Variants in SLC2A11 observed in about 807,000 individuals in gnomAD.
The protein encoded by SLC2A11 is solute carrier family 2, facilitated glucose transporter member 11.
In SLC2A11, 43 loss-of-function variants were observed where a neutral mutation model predicts 52.1. The observed-to-expected ratio is 0.82, with a 90% CI of 0.65 to 1.06. The LOEUF is 1.06. SLC2A11 is among the 50% of genes least tolerant of loss of function. SLC2A11 has a pLI of 0.00. For missense variants in SLC2A11, 582 were observed against 654.2 expected (o/e 0.89, Z 1.20); for synonymous variants, 261 against 277.6 (o/e 0.94, Z 0.59).
intron 1 of SLC2A11, among the ~76,000 whole-genome samples, chr22:23,861,788 A>C (rs987635441): frequency 8.5e-5 from 13 of 152,224 alleles, no homozygotes; most frequent in African/African-American, 3.1e-4. Flanking sequence ...GTCTTCCCCA[A>C]ACACAGCAGA....
intron 2 of SLC2A11, among the ~76,000 whole-genome samples, chr22:23,862,748 C>T (rs923849325): frequency 4.6e-5 from 7 of 152,128 alleles, no homozygotes; most frequent in African/African-American, 7.2e-5. Flanking sequence ...CTCAGCCTCC[C>T]GAGTAGCTGG....
chr22:23,868,161 G>A (rs1342075479), intron 2 of SLC2A11: 2 of 394,788 alleles, frequency 5.1e-6, no homozygotes, highest in East Asian at 4.6e-5. Flanking sequence ...ATTGCTTGAT[G>A]TGGGAAAATA....
At chr22:23,866,338 C>G (rs1460638712) in intron 2 of SLC2A11, 1 of 158,888 alleles carries the variant, frequency 6.3e-6, no homozygotes, top group African/African-American at 2.4e-5. Flanking sequence ...GGGCACTAGG[C>G]TGACAGTCAT....
chr22:23,856,970 G>C, upstream of SLC2A11: 1 of 1,611,202 alleles, frequency 6.2e-7, no homozygotes. Flanking sequence ...AGGACGCACA[G>C]ATGAGAGCGC....
chr22:23,873,332 C>CTGTGTGT (rs1568990971), intron 3 of SLC2A11: 2 of 143,820 alleles, frequency 1.4e-5, no homozygotes, highest in African/African-American at 5.8e-5. Context: ...TGTGTGTGCA[C>CTGTGTGT]GCGTGTGTGT....
intron 1 of SLC2A11, among the ~76,000 whole-genome samples, chr22:23,861,062 G>T (rs1465111475): frequency 2.0e-5 from 3 of 151,690 alleles, no homozygotes; most frequent in African/African-American, 7.2e-5. Flanking sequence ...AGCCAGGATG[G>T]TCTCAATCTC....
In SLC2A11 at chr22:23,877,068, T is replaced by C; in HGVS notation, c.442T>C (p.Tyr148His). ...TGTGAGCATGAACATCCAGCCCATGTACCTGGGGGAGAGCGCCCCTAAGGA... is the reference window on the plus strand; with the variant it reads ...TGTGAGCATGAACATCCAGCCCATGCACCTGGGGGAGAGCGCCCCTAAGGA... ...AGVSMNIQPMYLGESAPKELR... is the reference protein window; with the variant it reads ...AGVSMNIQPMHLGESAPKELR... Residue 148 changes from tyrosine to histidine, a missense_variant, in exon 5 of 12, where the codon TAC (tyrosine) becomes CAC (histidine). By Grantham distance (83) the Tyr-to-His change is moderately conservative. Transcript: ENST00000316185. 6.2e-7 allele frequency: 1 copy of C among 1,613,966 alleles called. No individual in the cohort carries two copies.
intron 4 of SLC2A11, 80 bp from the exon 5 acceptor site, chr22:23,876,962 G>T: frequency 6.2e-7 from 1 of 1,606,156 alleles, no homozygotes; most frequent in Non-Finnish European, 8.5e-7. Context: ...GTGCTGAGTG[G>T]GGCAGGGGAG....
rs146128345 is a variant in SLC2A11, at chr22:23,868,516, G to A, written c.165G>A (p.Ala55=). 126 of 1,614,096 alleles carry A rather than the reference G, an allele frequency of 7.8e-5. No individual in the cohort carries two copies. Among genetic ancestry groups the A allele is most frequent in the Admixed American group, 3.7e-4 (22 of 60,000 alleles). The change falls in exon 3 of 12, where the codon GCG becomes GCA. Residue 55 remains alanine (A), a synonymous_variant. Transcript: ENST00000316185. The part of the protein sequence containing the change: ...IQEFTNETWQ[A]RTGEPLPDHL... The stretch of plus-strand genomic sequence containing the variant: ...AATTCACCAATGAGACATGGCAGGC[G>A]CGTACTGGAGAGCCACTGCCCGATC...
chr22:23,884,204 C>T lies in SLC2A11; in HGVS notation c.1172-98C>T. The T allele has an allele frequency of 6.6e-7, 1 of 1,507,416 alleles. No individual in the cohort carries two copies. The highest frequency in any genetic ancestry group is 8.9e-7 in the Non-Finnish European group (1 of 1,128,176). The allele number at this position is 1,507,416 out of a possible 1,614,324, so 93.4% of individuals were successfully genotyped here. On this transcript the variant is annotated intron_variant, in intron 10 of 11. Coordinates refer to ENST00000316185, the MANE Select transcript of SLC2A11 (RefSeq NM_001024939.4). The surrounding 1 kb of genome is among the most constrained non-coding windows in gnomAD (Gnocchi z 4.3). ...AGCACTGAGGGGCCCCCCATACAGA[C>T]TGGGCCTGGGCTCCCACTCCCATGT...
Position 23,877,028 on chromosome 22 carries a change from G to A in SLC2A11, c.416-14G>A, listed in dbSNP as rs754514821. 1.2e-6 allele frequency: 2 copies of A among 1,613,880 alleles called. No homozygotes were observed. Among genetic ancestry groups the A allele is most frequent in the Non-Finnish European group, 1.7e-6 (2 of 1,179,964 alleles). On this transcript the variant is annotated splice_polypyrimidine_tract_variant and intron_variant, in intron 4 of 11. Transcript: ENST00000316185. Reference sequence around the variant, plus strand: ...AGCTGGTGGCTGACGTGCCTCTGCTGTGCACACGTCCAGGTGTGAGCATGA... The same window carrying A: ...AGCTGGTGGCTGACGTGCCTCTGCTATGCACACGTCCAGGTGTGAGCATGA...
intron 2 of SLC2A11, chr22:23,867,772 G>T (rs773670254): frequency 2.1e-6 from 1 of 470,254 alleles, no homozygotes; most frequent in Admixed American, 2.3e-5. Flanking sequence ...ACATTGAGGT[G>T]CTGGGAAGGT....
intron 2 of SLC2A11, chr22:23,868,244 G>T: frequency 1.8e-6 from 1 of 550,848 alleles, no homozygotes; most frequent in African/African-American, 1.9e-5. Flanking sequence ...GGCAAATGGA[G>T]CGAGTCCAGT....
upstream of SLC2A11, chr22:23,857,586 C>CA: frequency 4.1e-6 from 6 of 1,475,478 alleles, no homozygotes; most frequent in Non-Finnish European, 3.7e-6. Flanking sequence ...AACCCCCCCC[C>CA]CGCGGCGGCG....
At chr22:23,862,907 GAC>G (rs145304107) in intron 2 of SLC2A11, among the ~76,000 whole-genome samples, 9,701 of 152,256 alleles carry the variant, frequency 0.064, 355 homozygotes, top group Middle Eastern at 0.14. Flanking sequence ...ATAGGCATGA[GAC>G]ACCGTGCCCG....
At chr22:23,868,794 G>A (rs1325330542) in intron 3 of SLC2A11, 153 bp downstream of exon 3, 10 of 846,582 alleles carry the variant, frequency 1.2e-5, no homozygotes, top group Admixed American at 2.8e-5. Flanking sequence ...GTTTCACCTT[G>A]CAAGACACGT....
Position 23,882,739 on chromosome 22 carries a change from T to C in SLC2A11, c.883-20T>C, listed in dbSNP as rs1403102712. On this transcript the variant is annotated intron_variant, in intron 7 of 11. Transcript: ENST00000316185. ...TGGGAGGTGGAAGGGAGCCCAGGCC[T>C]GAAAGCCACCCTCTCCCAGGTGTAC... 5.0e-6 allele frequency: 8 copies of C among 1,608,436 alleles called. No homozygotes were observed. Among genetic ancestry groups the C allele is most frequent in the Non-Finnish European group, 5.9e-6 (7 of 1,177,348 alleles).
At chr22:23,873,819 CT>C (rs1293200341) in intron 3 of SLC2A11, among the ~76,000 whole-genome samples, 1 of 152,152 alleles carries the variant, frequency 6.6e-6, no homozygotes, top group Admixed American at 6.5e-5. Context: ...GGAGTTACCA[CT>C]GGATCGAGTT....
At chr22:23,880,130 T>C (rs942216156) in intron 6 of SLC2A11, among the ~76,000 whole-genome samples, 10 of 151,624 alleles carry the variant, frequency 6.6e-5, no homozygotes, top group Admixed American at 4.6e-4. Flanking sequence ...GAGAATTGCT[T>C]GAACCCGAGA....
Sources: gnomAD v4.1 joint callset for allele counts (sites outside exome capture counted in the v4.1 genomes callset) on GRCh38, gnomAD v4.1.1 for gene constraint, Gnocchi (gnomAD v3.1) non-coding constraint, MANE v1.5 for transcripts, NCBI Gene and HGNC (gene_info 2026-07-23, HGNC 2026-07-21) for gene names.